Variants in HBS1L observed in about 807,000 individuals in gnomAD.
HBS1L encodes HBS1-like protein.
Under a neutral mutation model 88.9 loss-of-function variants are expected in HBS1L, and 55 were observed. The observed-to-expected ratio is 0.62, with a 90% CI of 0.50 to 0.77. The LOEUF (loss-of-function observed/expected upper bound fraction) is 0.77. Among genes scored for constraint, HBS1L ranks in the 30% least tolerant of loss-of-function variants. The pLI is 0.00. For synonymous variants in HBS1L, 267 were observed against 288.5 expected, an observed-to-expected ratio of 0.93 and a Z score of 0.76; for missense variants, 741 against 829.3, an observed-to-expected ratio of 0.89 and a Z score of 1.31.
chr6:134,973,309 T>C (rs1375260246), intron 15 of HBS1L, among the ~76,000 whole-genome samples: 1 of 152,160 alleles, frequency 6.6e-6, no homozygotes, highest in African/African-American at 2.4e-5. Context: ...GGACAAACCA[T>C]GAAAACAATT....
chr6:135,053,164 C>T (rs2114935921), intron 1 of HBS1L, among the ~76,000 whole-genome samples: 1 of 152,302 alleles, frequency 6.6e-6, no homozygotes, highest in Admixed American at 6.5e-5. Context: ...ACCTCTCCTC[C>T]ATGAAGCATT....
At chr6:135,008,740 C>A (rs1490114257) in intron 4 of HBS1L, among the ~76,000 whole-genome samples, 1 of 151,896 alleles carries the variant, frequency 6.6e-6, no homozygotes. Flanking sequence ...CTTGCATATC[C>A]CCAATTTATG....
At chr6:135,044,586 T>C (rs1776851684) in intron 2 of HBS1L, among the ~76,000 whole-genome samples, 1 of 152,222 alleles carries the variant, frequency 6.6e-6, no homozygotes. Flanking sequence ...TAGCATTACA[T>C]AATACTTAGA....
At position 135,043,968 on chromosome 6, in the gene HBS1L, A is replaced by C. The variant is rs887449027; in HGVS notation, c.110-1842T>G. Reference sequence around the variant, plus strand: ...CATATAAAGTCCGATAACACCAACCACAGAGAAATATTATGCTGCAAGATA... The same window carrying C: ...CATATAAAGTCCGATAACACCAACCCCAGAGAAATATTATGCTGCAAGATA... On this transcript the variant is annotated intron_variant, in intron 2 of 17. Transcript: ENST00000367837. 2.6e-5 allele frequency among the ~76,000 whole-genome samples: 4 copies of C among 152,304 alleles called. No individual in the cohort carries two copies. The East Asian group carries it at 7.7e-4, about 29-fold the overall frequency.
chr6:135,033,839 T>G (rs932240780), intron 4 of HBS1L, among the ~76,000 whole-genome samples: 6 of 152,238 alleles, frequency 3.9e-5, no homozygotes, highest in Non-Finnish European at 8.8e-5. Flanking sequence ...GTGCAGCACC[T>G]AACCTATCAG....
At chr6:134,980,354 A>AACT (rs1774793766) in intron 13 of HBS1L, among the ~76,000 whole-genome samples, 1 of 152,040 alleles carries the variant, frequency 6.6e-6, no homozygotes, top group Admixed American at 6.6e-5. Context: ...AAGAAGGCAT[A>AACT]ACTTTCTTCA....
At chr6:134,993,622 G>T in intron 8 of HBS1L, 136 bp downstream of exon 8, 1 of 424,260 alleles carries the variant, frequency 2.4e-6, no homozygotes, top group Non-Finnish European at 4.2e-6. Context: ...TGCTCTTTTT[G>T]TTCAAGCTTT....
chr6:135,000,853 C>CTA (rs1399483350), intron 5 of HBS1L, among the ~76,000 whole-genome samples: 6 of 152,076 alleles, frequency 3.9e-5, no homozygotes, highest in Admixed American at 2.6e-4. Context: ...ACGTAGAAAC[C>CTA]TATGATGCTG....
At chr6:135,023,329 A>T (rs1210525672) in intron 4 of HBS1L, among the ~76,000 whole-genome samples, 1 of 152,136 alleles carries the variant, frequency 6.6e-6, no homozygotes, top group African/African-American at 2.4e-5. Context: ...CTGTAGTCCC[A>T]GCTACTTGGG....
intron 4 of HBS1L, among the ~76,000 whole-genome samples, chr6:135,020,697 T>A (rs1399664936): frequency 1.3e-5 from 2 of 152,054 alleles, no homozygotes; most frequent in Non-Finnish European, 2.9e-5. Flanking sequence ...CAATATGTAC[T>A]ATAAGTCTTA....
intron 4 of HBS1L, among the ~76,000 whole-genome samples, chr6:135,024,331 T>C (rs1776159987): frequency 6.7e-6 from 1 of 150,362 alleles, no homozygotes; most frequent in Non-Finnish European, 1.5e-5. Flanking sequence ...TCCCAGCTAC[T>C]CCGGAGGCTG....
At chr6:134,981,017 A>T (rs11963637) in intron 13 of HBS1L, among the ~76,000 whole-genome samples, 1 of 151,936 alleles carries the variant, frequency 6.6e-6, no homozygotes, top group African/African-American at 2.4e-5. Flanking sequence ...TTACACTGAT[A>T]AAAGATAATA....
intron 4 of HBS1L, among the ~76,000 whole-genome samples, chr6:135,006,587 T>C (rs1486343162): frequency 6.6e-6 from 1 of 151,410 alleles, no homozygotes; most frequent in Non-Finnish European, 1.5e-5. Context: ...AGAATAATGA[T>C]GGAAAGGAAG....
rs181155115 is a variant in HBS1L, at chr6:135,005,258, C to T, written c.431-2416G>A. On this transcript the variant is annotated intron_variant, in intron 4 of 17. Coordinates refer to ENST00000367837, the MANE Select transcript of HBS1L (RefSeq NM_006620.4). ...CAGCTATAATTTCAAAATCCAAAAG[C>T]ATTGAAATATTAAAGTTTTGGGTTT... Among the ~76,000 whole-genome samples the T allele has an allele frequency of 4.6e-5, 7 of 152,308 alleles. No individual in the cohort carries two copies. In the East Asian group the frequency reaches 1.3e-3, roughly 29 times the overall value.
intron 9 of HBS1L, among the ~76,000 whole-genome samples, chr6:134,987,396 T>C (rs1274292508): frequency 6.6e-6 from 1 of 152,136 alleles, no homozygotes; most frequent in Non-Finnish European, 1.5e-5. Flanking sequence ...TCCACTATAA[T>C]AAACATGTAT....
chr6:135,019,324 C>T (rs1208233826), intron 4 of HBS1L, among the ~76,000 whole-genome samples: 2 of 151,462 alleles, frequency 1.3e-5, no homozygotes, highest in African/African-American at 4.8e-5. Flanking sequence ...ATAGTGCACA[C>T]TTGGAGACAA....
chr6:134,997,032 G>T, intron 6 of HBS1L, 90 bp from the exon 7 acceptor site: 1 of 974,362 alleles, frequency 1.0e-6, no homozygotes, highest in Non-Finnish European at 1.5e-6. Flanking sequence ...AATATTTCAT[G>T]TCAGTGGTTT....
At chr6:135,034,608 C>T (rs1352773053) in intron 4 of HBS1L, among the ~76,000 whole-genome samples, 1 of 152,208 alleles carries the variant, frequency 6.6e-6, no homozygotes, top group East Asian at 1.9e-4. Context: ...CATGCCACTG[C>T]ACTCCAGCCT....
rs144329126 is a variant in HBS1L at position 135,028,308 on chromosome 6, G to T, written c.430+11265C>A. Among the ~76,000 whole-genome samples, 63 of 150,136 alleles carry T rather than the reference G, an allele frequency of 4.2e-4. No individual in the cohort carries two copies. In the East Asian group the frequency reaches 0.012, roughly 28 times the overall value. ...GGGCAGAGAGAAAGGGGAGACTAGA[G>T]GAGAGAAAACCATACTGAAAATGAG... is the stretch of plus-strand genomic sequence containing the variant. On this transcript the variant is annotated intron_variant, in intron 4 of 17. Coordinates refer to ENST00000367837, the MANE Select transcript of HBS1L (RefSeq NM_006620.4).
Sources: allele counts gnomAD v4.1 joint callset (sites outside exome capture counted in the v4.1 genomes callset), GRCh38; gene constraint gnomAD v4.1.1; transcripts MANE v1.5; gene names NCBI Gene and HGNC (gene_info 2026-07-23, HGNC 2026-07-21).